ATRNL1: variants seen among roughly 807,000 people sequenced by gnomAD.
ATRNL1 encodes the protein attractin like 1.
Under a neutral mutation model 182.7 loss-of-function variants are expected in ATRNL1, and 95 were observed. The observed-to-expected ratio is 0.52, with a 90% CI of 0.44 to 0.62. ATRNL1 has a LOEUF of 0.62. Among genes scored for constraint, ATRNL1 ranks in the 20% least tolerant of loss-of-function variants. The pLI, the probability that ATRNL1 is intolerant of heterozygous loss-of-function variation, is 0.00. For missense variants in ATRNL1, 1,471 were observed against 1,679.5 expected (o/e 0.88, Z 2.17); for synonymous variants, 576 against 568.3 (o/e 1.01, Z -0.19).
At chr10:115,773,155 T>C (rs1949036150) in intron 27 of ATRNL1, among the ~76,000 whole-genome samples, 1 of 152,166 alleles carries the variant, frequency 6.6e-6, no homozygotes, top group Non-Finnish European at 1.5e-5. Context: ...TTTTTAACAG[T>C]TGTCAGCTCA....
chr10:115,212,299 T>A (rs1268458), intron 8 of ATRNL1, among the ~76,000 whole-genome samples: 8,995 of 130,038 alleles, frequency 0.069, 467 homozygotes, highest in African/African-American at 0.16. Flanking sequence ...AGTTTTTTTT[T>A]AACTTTTTTT....
intron 28 of ATRNL1, among the ~76,000 whole-genome samples, chr10:115,941,793 T>G (rs1404422210): frequency 1.3e-5 from 2 of 152,210 alleles, no homozygotes; most frequent in Non-Finnish European, 2.9e-5. Flanking sequence ...TCTGCAATTT[T>G]AAAAATAATA....
At chr10:115,933,822 T>G (rs541427405) in intron 28 of ATRNL1, among the ~76,000 whole-genome samples, 1 of 152,258 alleles carries the variant, frequency 6.6e-6, no homozygotes. Context: ...TTCTCCTACC[T>G]CTCTTCATTT....
intron 25 of ATRNL1, among the ~76,000 whole-genome samples, chr10:115,545,994 A>G (rs1310487546): frequency 3.3e-5 from 5 of 152,206 alleles, no homozygotes; most frequent in African/African-American, 1.2e-4. Context: ...TTTTAAATGA[A>G]CACATGACAG....
intron 19 of ATRNL1, among the ~76,000 whole-genome samples, chr10:115,388,641 T>G (rs1843798892): frequency 6.6e-6 from 1 of 152,030 alleles, no homozygotes; most frequent in African/African-American, 2.4e-5. Context: ...TTTTTCTCAT[T>G]TATGTTATAT....
At position 115,276,303 on chromosome 10, in the gene ATRNL1, T is replaced by G. The variant is rs76840110; in HGVS notation, c.2101-5052T>G. On this transcript the variant is annotated intron_variant, in intron 13 of 28. Transcript: ENST00000355044. Reference sequence around the variant, plus strand: ...GGGATTGGGTTTCAAAATATGAATTTTGGGAGATGCAAACATTCAGTCCAT... The same window carrying G: ...GGGATTGGGTTTCAAAATATGAATTGTGGGAGATGCAAACATTCAGTCCAT... 1.5e-3 allele frequency among the ~76,000 whole-genome samples: 226 copies of G among 152,294 alleles called. 7 individuals carry two copies. The East Asian group carries it at 0.04, about 27-fold the overall frequency.
intron 1 of ATRNL1, among the ~76,000 whole-genome samples, chr10:115,102,736 T>A (rs1554864919): frequency 1.3e-5 from 2 of 152,222 alleles, no homozygotes; most frequent in African/African-American, 4.8e-5. Flanking sequence ...ATTTTTACAG[T>A]AAATCTTGAA....
At chr10:115,867,497 T>C (rs11197463) in intron 28 of ATRNL1, among the ~76,000 whole-genome samples, 80,300 of 151,868 alleles carry the variant, frequency 0.53, 22,242 homozygotes, top group East Asian at 0.77. Context: ...TGCTTAGGGG[T>C]CCTCATATGC....
intron 19 of ATRNL1, among the ~76,000 whole-genome samples, chr10:115,355,846 T>G (rs1446530139): frequency 6.6e-6 from 1 of 152,140 alleles, no homozygotes; most frequent in Non-Finnish European, 1.5e-5. Flanking sequence ...TTTATAGGTT[T>G]TTGAATAGTA....
At chr10:115,861,481 G>A (rs891547539) in intron 28 of ATRNL1, among the ~76,000 whole-genome samples, 1 of 152,098 alleles carries the variant, frequency 6.6e-6, no homozygotes, top group Non-Finnish European at 1.5e-5. Flanking sequence ...CCTTTGTCAT[G>A]TACCTTGCTA....
intron 28 of ATRNL1, among the ~76,000 whole-genome samples, chr10:115,850,093 T>G (rs1555100077): frequency 6.6e-6 from 1 of 152,188 alleles, no homozygotes; most frequent in East Asian, 1.9e-4. Flanking sequence ...AAGACAGTGG[T>G]TCTACTCTTT....
intron 15 of ATRNL1, among the ~76,000 whole-genome samples, chr10:115,296,235 G>A (rs1267181315): frequency 6.6e-6 from 1 of 152,256 alleles, no homozygotes; most frequent in Non-Finnish European, 1.5e-5. Context: ...CAGGGCAAAG[G>A]CTGGGTGCCT....
intron 27 of ATRNL1, among the ~76,000 whole-genome samples, chr10:115,777,986 G>A (rs548195244): frequency 1.5e-4 from 22 of 151,400 alleles, no homozygotes; most frequent in Non-Finnish European, 2.5e-4. Context: ...AACTTATTGC[G>A]AACTTGTGGT....
intron 26 of ATRNL1, among the ~76,000 whole-genome samples, chr10:115,553,916 A>G (rs2804217): frequency 0.95 from 144,477 of 151,504 alleles, 69,292 homozygotes; most frequent in East Asian, 1. Flanking sequence ...TTTATAAATT[A>G]AACTACTCTT....
chr10:115,401,216 G>A (rs1302073043), intron 20 of ATRNL1, among the ~76,000 whole-genome samples: 2 of 151,908 alleles, frequency 1.3e-5, no homozygotes, highest in Non-Finnish European at 2.9e-5. Context: ...CAGAGACCAG[G>A]AAATAAATAA....
rs781882689 is a variant in ATRNL1, at chr10:115,941,391, G to A, written c.4019-3267G>A. ...GGTTCTGGACTTCATGAAATACAGC[G>A]ATACAGTGGCAGTTTTGGATTAGCG... On this transcript the variant is annotated intron_variant, in intron 28 of 28. Transcript: ENST00000355044. Among the ~76,000 whole-genome samples, 65 of 152,192 alleles carry A rather than the reference G, an allele frequency of 4.3e-4. 1 individual carries two copies. The highest frequency in any genetic ancestry group is 2.2e-3 in the Admixed American group (34 of 15,278).
chr10:115,331,277 A>T (rs926723740), intron 18 of ATRNL1, among the ~76,000 whole-genome samples: 4 of 152,082 alleles, frequency 2.6e-5, no homozygotes, highest in Non-Finnish European at 4.4e-5. Context: ...AGCCAGGATC[A>T]TCTCAATCTC....
chr10:115,159,718 T>C (rs1053429963), intron 5 of ATRNL1, among the ~76,000 whole-genome samples: 1 of 151,624 alleles, frequency 6.6e-6, no homozygotes, highest in Non-Finnish European at 1.5e-5. Context: ...AGAACTGATA[T>C]TTGAGTACAT....
chr10:115,613,256 T>G (rs1220857084), intron 26 of ATRNL1, among the ~76,000 whole-genome samples: 2 of 152,250 alleles, frequency 1.3e-5, no homozygotes, highest in African/African-American at 4.8e-5. Context: ...CTGATCTTTA[T>G]CAAACGTTTT....
Sources: gnomAD v4.1 joint callset for allele counts (sites outside exome capture counted in the v4.1 genomes callset) on GRCh38, gnomAD v4.1.1 for gene constraint, MANE v1.5 for transcripts, NCBI Gene and HGNC (gene_info 2026-07-23, HGNC 2026-07-21) for gene names.